Variants in CFAP54 observed in about 807,000 individuals in gnomAD.
CFAP54 encodes cilia and flagella associated protein 54.
A neutral mutation model predicts 370.4 loss-of-function variants in CFAP54; 290 were observed. The observed-to-expected ratio is 0.78, with a 90% CI of 0.71 to 0.86. The LOEUF is 0.86. Among genes scored for constraint, CFAP54 ranks in the 40% least tolerant of loss-of-function variants. The pLI is 0.00. For missense variants in CFAP54, 3,399 were observed against 3,528.7 expected (o/e 0.96, Z 0.93); for synonymous variants, 1,206 against 1,236.5 (o/e 0.98, Z 0.52).
intron 34 of CFAP54, among the ~76,000 whole-genome samples, chr12:96,648,889 A>C (rs1956828482): frequency 6.6e-6 from 1 of 151,936 alleles, no homozygotes; most frequent in African/African-American, 2.4e-5. Flanking sequence ...CGCCCGGCCG[A>C]AAACAGGGTT....
rs937039803 is a variant in CFAP54 at position 96,630,699 on chromosome 12, A to G, written c.4316+48A>G. The G allele has an allele frequency of 3.3e-6, 4 of 1,217,756 alleles. No homozygotes were observed. The African/African-American group carries it at 6.3e-5, about 19-fold the overall frequency. 75.4% of individuals were successfully genotyped at this position (1,217,756 alleles called of 1,614,324 possible). On this transcript the variant is annotated intron_variant, in intron 32 of 67. Coordinates refer to ENST00000524981, the MANE Select transcript of CFAP54 (RefSeq NM_001306084.2). ...AATAAAAGTTTACTTGAGGGTAACT[A>G]TGTGTTGGGCATTATTTTGGGTACT...
chr12:96,647,048 C>T (rs148849195), intron 33 of CFAP54: 6,137 of 152,072 alleles, frequency 0.04, 173 homozygotes, highest in South Asian at 0.11. Context: ...CACATGTATA[C>T]GTATGTAACA....
intron 58 of CFAP54, among the ~76,000 whole-genome samples, chr12:96,763,802 G>A (rs11108687): frequency 0.36 from 55,279 of 151,870 alleles, 10,810 homozygotes; most frequent in East Asian, 0.58. Flanking sequence ...TATAATTTTT[G>A]TTAACTTATT....
At chr12:96,839,855 G>A (rs1959200743) in intron 66 of CFAP54, among the ~76,000 whole-genome samples, 2 of 152,154 alleles carry the variant, frequency 1.3e-5, no homozygotes, top group South Asian at 4.1e-4. Context: ...GCCATGGTCT[G>A]GAACATAACT....
In CFAP54 at chr12:96,535,576, T is replaced by C; in HGVS notation, c.1767T>C (p.Tyr589=). ...TTTTCCATTTGGCAGCAACCTTGTA[T>C]GTCTGTGTCTGCACTGCTCCCCAGG... ...EDIFHLAATL[Y]VCVCTAPQDV... is the part of the protein sequence containing the mutation. Residue 589 remains tyrosine, a synonymous_variant, in exon 12 of 68, where the codon TAT becomes TAC. Transcript: ENST00000524981. The C allele has an allele frequency of 6.5e-7, 1 of 1,535,850 alleles. No individual in the cohort carries two copies.
At chr12:96,517,874 G>A (rs988793902) in intron 5 of CFAP54, among the ~76,000 whole-genome samples, 5 of 152,224 alleles carry the variant, frequency 3.3e-5, no homozygotes, top group African/African-American at 1.2e-4. Flanking sequence ...CTGGACGAGA[G>A]AGCTGAGGGA....
Position 96,684,813 on chromosome 12 carries a change from A to G in CFAP54, c.5804+78A>G, listed in dbSNP as rs536730494. ...TTGAAGAAGTTTTTAATGAAAAAACATTGTCTTTCATAAATTTTAGTTCTT... is the reference window on the plus strand; with the variant it reads ...TTGAAGAAGTTTTTAATGAAAAAACGTTGTCTTTCATAAATTTTAGTTCTT... On this transcript the variant is annotated intron_variant, in intron 41 of 67. Coordinates refer to ENST00000524981, the MANE Select transcript of CFAP54 (RefSeq NM_001306084.2). The G allele has an allele frequency of 4.8e-6, 6 of 1,251,286 alleles. No homozygotes were observed. The African/African-American group carries it at 9.1e-5, about 19-fold the overall frequency. The allele number at this position is 1,251,286 out of a possible 1,614,324, so 77.5% of individuals were successfully genotyped here.
At chr12:96,738,119 C>T (rs969901939) in intron 50 of CFAP54, among the ~76,000 whole-genome samples, 2 of 152,060 alleles carry the variant, frequency 1.3e-5, no homozygotes, top group Non-Finnish European at 1.5e-5. Context: ...CTTGAACGAA[C>T]GCGTTAGCAG....
intron 34 of CFAP54, among the ~76,000 whole-genome samples, chr12:96,648,667 C>T (rs920405464): frequency 2.1e-5 from 3 of 139,854 alleles, no homozygotes; most frequent in Non-Finnish European, 4.5e-5. Flanking sequence ...CGGCTGGCTG[C>T]AACCTCCGCC....
At chr12:96,822,549 A>G (rs1022699054) in intron 65 of CFAP54, among the ~76,000 whole-genome samples, 1 of 152,166 alleles carries the variant, frequency 6.6e-6, no homozygotes. Context: ...ACAGAAATCA[A>G]TATAACCAGG....
chr12:96,730,738 T>TTA (rs1233941020), intron 50 of CFAP54, among the ~76,000 whole-genome samples: 1 of 152,218 alleles, frequency 6.6e-6, no homozygotes, highest in Non-Finnish European at 1.5e-5. Context: ...AGAATCCCAC[T>TTA]TATATGTTTC....
intron 14 of CFAP54, among the ~76,000 whole-genome samples, chr12:96,543,718 C>A (rs1318566687): frequency 6.6e-6 from 1 of 152,026 alleles, no homozygotes; most frequent in African/African-American, 2.4e-5. Flanking sequence ...CTCTAGGATC[C>A]CATTATTCCA....
At chr12:96,587,164 A>G (rs1311682850) in intron 22 of CFAP54, among the ~76,000 whole-genome samples, 3 of 152,094 alleles carry the variant, frequency 2.0e-5, no homozygotes, top group Non-Finnish European at 4.4e-5. Flanking sequence ...TGTTTAGTAT[A>G]TATGGAGAGA....
At chr12:96,567,235 A>T (rs1199413333) in intron 19 of CFAP54, among the ~76,000 whole-genome samples, 3 of 152,238 alleles carry the variant, frequency 2.0e-5, no homozygotes, top group Non-Finnish European at 4.4e-5. Context: ...ATTCTGTGAG[A>T]CAGAAGCTTA....
intron 36 of CFAP54, among the ~76,000 whole-genome samples, chr12:96,652,545 C>T (rs912249448): frequency 1.3e-5 from 2 of 152,074 alleles, no homozygotes; most frequent in Non-Finnish European, 2.9e-5. Flanking sequence ...TTAAGTAATG[C>T]TCAGTTAACT....
chr12:96,775,257 G>A (rs538610213), intron 60 of CFAP54, among the ~76,000 whole-genome samples: 3 of 152,178 alleles, frequency 2.0e-5, no homozygotes, highest in Non-Finnish European at 4.4e-5. Flanking sequence ...GCGAAACCCC[G>A]TTTCTACTAA....
chr12:96,547,797 A>C (rs1159833498), intron 14 of CFAP54, 105 bp from the exon 15 acceptor site: 5 of 412,286 alleles, frequency 1.2e-5, no homozygotes, highest in African/African-American at 4.4e-5. Flanking sequence ...TTTCCTCCTC[A>C]CTCTTGCCCT....
At chr12:96,596,557 A>G (rs1400136593) in intron 25 of CFAP54, among the ~76,000 whole-genome samples, 2 of 152,120 alleles carry the variant, frequency 1.3e-5, no homozygotes, top group Non-Finnish European at 2.9e-5. Context: ...TATTTGTACC[A>G]TGTACAAAAA....
At chr12:96,784,578 T>C (rs1958611292) in intron 60 of CFAP54, 139 bp from the exon 61 acceptor site, 3 of 567,450 alleles carry the variant, frequency 5.3e-6, no homozygotes, top group Non-Finnish European at 8.4e-6. Flanking sequence ...GTCTGCATGA[T>C]ACAAAAGACT....
Sources: allele counts gnomAD v4.1 joint callset (sites outside exome capture counted in the v4.1 genomes callset), GRCh38; gene constraint gnomAD v4.1.1; transcripts MANE v1.5; gene names NCBI Gene and HGNC (gene_info 2026-07-23, HGNC 2026-07-21).